The following OPN3 variants were observed in gnomAD, a reference collection of about 807,000 sequenced individuals.
OPN3 encodes opsin 3, also known as opsin-3.
In OPN3, 29 loss-of-function variants were observed where a neutral mutation model predicts 33.8. The observed-to-expected ratio is 0.86, with a 90% CI of 0.64 to 1.17. The LOEUF (loss-of-function observed/expected upper bound fraction) is 1.17, where lower values mean the gene tolerates loss of function less well. Ranked by LOEUF, OPN3 falls within the 50% of genes most tolerant of loss-of-function variation. The probability of loss-of-function intolerance (pLI) is 0.00; values close to 1 mark genes in which losing one functional copy is unlikely to be tolerated. For synonymous variants in OPN3, 216 were observed against 216.1 expected (o/e 1.00, Z 0.00); for missense variants, 437 against 514.1 (o/e 0.85, Z 1.45).
chr1:241,596,559 T>G (rs767264336), intron 3 of OPN3, among the ~76,000 whole-genome samples: 1 of 152,180 alleles, frequency 6.6e-6, no homozygotes, highest in Non-Finnish European at 1.5e-5. Context: ...GCAGAGAGAT[T>G]TAGCACTGAA....
intron 2 of OPN3, chr1:241,600,288 T>C (rs530996058): frequency 5.3e-4 from 80 of 152,146 alleles, no homozygotes; most frequent in African/African-American, 1.9e-3. Context: ...TTTTTATTTA[T>C]CTTTTTCAGG....
intron 1 of OPN3, among the ~76,000 whole-genome samples, chr1:241,622,496 C>T (rs890551186): frequency 1.3e-5 from 2 of 152,186 alleles, no homozygotes; most frequent in Non-Finnish European, 2.9e-5. Context: ...TGACAACCCA[C>T]CACCCACCCA....
At chr1:241,602,810 G>C (rs1193823555) in intron 2 of OPN3, among the ~76,000 whole-genome samples, 1 of 152,082 alleles carries the variant, frequency 6.6e-6, no homozygotes, top group Non-Finnish European at 1.5e-5. Context: ...CACATCGGTG[G>C]TTAGAGATTC....
chr1:241,610,255 GC>G lies in OPN3; in HGVS notation c.374-5677del, dbSNP rs147501895. Among the ~76,000 whole-genome samples the G allele has an allele frequency of 3.8e-3, 578 of 152,300 alleles. 2 individuals carry two copies. The highest frequency in any genetic ancestry group is 0.013 in the African/African-American group (556 of 41,550). ...TGCTGTTCCTTCTGCCTGAATTGCT[GC>G]CAAAGATCTCACAGTCTGGAGAAGA... On this transcript the variant is annotated intron_variant, in intron 1 of 3. Transcript: ENST00000366554.
intron 1 of OPN3, among the ~76,000 whole-genome samples, chr1:241,638,893 A>T (rs1448050532): frequency 6.6e-6 from 1 of 152,232 alleles, no homozygotes; most frequent in East Asian, 1.9e-4. Context: ...TTAAAGCAAT[A>T]AAGTATCAAT....
chr1:241,635,467 T>C, intron 1 of OPN3: 1 of 1,613,886 alleles, frequency 6.2e-7, no homozygotes, highest in Non-Finnish European at 8.5e-7. Flanking sequence ...AGCAAAAAGC[T>C]TCTGTGTGTT....
Position 241,614,443 on chromosome 1 carries a change from T to A in OPN3, c.374-9864A>T, listed in dbSNP as rs143965303. 1.3e-4 allele frequency among the ~76,000 whole-genome samples: 20 copies of A among 152,282 alleles called. 1 individual carries two copies. The East Asian group carries it at 3.9e-3, about 29-fold the overall frequency. On this transcript the variant is annotated intron_variant, in intron 1 of 3. Transcript: ENST00000366554. ...CACTGGTATTTCACATGCATTGCAT[T>A]TTTTTTCTATTAAATTTAGTGACTT...
intron 1 of OPN3, chr1:241,635,164 G>C (rs775411541): frequency 6.2e-7 from 1 of 1,612,726 alleles, no homozygotes; most frequent in Non-Finnish European, 8.5e-7. Flanking sequence ...CTGTAGATTT[G>C]CTTTCATCTT....
chr1:241,604,358 C>G lies in OPN3; in HGVS notation c.595G>C (p.Asp199His). 1 of 1,614,202 alleles carries G rather than the reference C, an allele frequency of 6.2e-7. No individual in the cohort carries two copies. The highest frequency in any genetic ancestry group is 2.2e-5 in the East Asian group (1 of 44,882). Residue 199 changes from aspartate (D) to histidine (H), a missense_variant, in exon 2 of 4, where the codon GAT becomes CAT. By Grantham distance (81) the Asp-to-His change is moderately conservative. Transcript: ENST00000366554. ...AATAAGAAAAGCACAAAGGAGGAAT[C>G]GTTGGCATCCTTGGATTTCCAGTCC... ...TVDWKSKDAN[D>H]SSFVLFLFLG...
intron 3 of OPN3, chr1:241,595,216 A>T (rs1663466562): frequency 6.6e-6 from 1 of 152,646 alleles, no homozygotes; most frequent in Non-Finnish European, 1.5e-5. Context: ...AGACAGCACT[A>T]ATGTCATCAA....
chr1:241,617,600 C>G (rs1664167054), intron 1 of OPN3, among the ~76,000 whole-genome samples: 1 of 152,190 alleles, frequency 6.6e-6, no homozygotes, highest in Non-Finnish European at 1.5e-5. Flanking sequence ...AAGTCATTTT[C>G]TATTACCCTG....
At chr1:241,635,858 T>A (rs1664877563) in intron 1 of OPN3, 2 of 1,312,452 alleles carry the variant, frequency 1.5e-6, no homozygotes, top group Non-Finnish European at 1.1e-6. Flanking sequence ...GATGTTCCAG[T>A]TATCCCAGAA....
At chr1:241,633,953 T>G (rs912333621) in intron 1 of OPN3, 2 of 1,613,786 alleles carry the variant, frequency 1.2e-6, no homozygotes, top group African/African-American at 2.7e-5. Context: ...AGGGCAGAAT[T>G]CTTCAGTTGG....
intron 3 of OPN3, chr1:241,595,233 T>C (rs1422720448): frequency 1.3e-5 from 2 of 152,356 alleles, no homozygotes; most frequent in Admixed American, 1.3e-4. Flanking sequence ...TCAACAAACA[T>C]TGTTCTTCTC....
At chr1:241,623,754 T>G (rs1664330697) in intron 1 of OPN3, among the ~76,000 whole-genome samples, 1 of 152,232 alleles carries the variant, frequency 6.6e-6, no homozygotes, top group East Asian at 1.9e-4. Context: ...TCTCTGCCTC[T>G]TTCATTCCCT....
At chr1:241,624,425 C>G (rs535853582) in intron 1 of OPN3, among the ~76,000 whole-genome samples, 1 of 152,296 alleles carries the variant, frequency 6.6e-6, no homozygotes, top group East Asian at 1.9e-4. Context: ...CATGGAAATC[C>G]TTCTCAACCA....
At position 241,640,295 on chromosome 1, in the gene OPN3, T is replaced by G; in HGVS notation, c.-41A>C. On this transcript the variant is annotated 5_prime_UTR_variant, in exon 1 of 4. Transcript: ENST00000366554. ...CGCCTGGCGGGCGGAGGCGCTCAGC[T>G]TGCGGCGGGGCTCGCGGCGCGCTCC... 8.8e-7 allele frequency: 1 copy of G among 1,135,076 alleles called. No homozygotes were observed. Among genetic ancestry groups the G allele is most frequent in the Non-Finnish European group, 1.1e-6 (1 of 929,260 alleles). 70.3% of individuals were successfully genotyped at this position (1,135,076 alleles called of 1,614,324 possible). A position where few individuals can be genotyped will look rare whatever the true frequency, so the allele number is the denominator to read the frequency against.
intron 1 of OPN3, chr1:241,629,570 A>G (rs1400554389): frequency 6.6e-6 from 1 of 152,098 alleles, no homozygotes; most frequent in Non-Finnish European, 1.5e-5. Flanking sequence ...CTTCTTTTAA[A>G]TTCCATCTTG....
At chr1:241,633,933 T>C (rs755122437) in intron 1 of OPN3, 1 of 1,613,894 alleles carries the variant, frequency 6.2e-7, no homozygotes, top group South Asian at 1.1e-5. Flanking sequence ...TCTTCTGGAT[T>C]TGGAGGTGGA....
Sources: gnomAD v4.1 joint callset for allele counts (sites outside exome capture counted in the v4.1 genomes callset) on GRCh38, gnomAD v4.1.1 for gene constraint, MANE v1.5 for transcripts, NCBI Gene and HGNC (gene_info 2026-07-23, HGNC 2026-07-21) for gene names.